The following LIMK2 variants were observed in gnomAD, a reference collection of about 807,000 sequenced individuals.
The protein encoded by LIMK2 is LIM domain kinase 2.
A neutral mutation model predicts 75.7 loss-of-function variants in LIMK2; 35 were observed. The ratio of observed to expected loss-of-function variants is 0.46; its 90% CI spans 0.35 to 0.61. The LOEUF (loss-of-function observed/expected upper bound fraction) is 0.61, where lower values mean the gene tolerates loss of function less well. Ranked by LOEUF, LIMK2 falls within the 20% of genes least tolerant of loss-of-function variation. The pLI, the probability that LIMK2 is intolerant of heterozygous loss-of-function variation, is 0.00. For missense variants in LIMK2, 623 were observed against 831.0 expected, an observed-to-expected ratio of 0.75 and a Z score of 3.08; for synonymous variants, 301 against 319.2, an observed-to-expected ratio of 0.94 and a Z score of 0.61.
intron 2 of LIMK2, among the ~76,000 whole-genome samples, chr22:31,247,235 C>T (rs2048679396): frequency 1.1e-5 from 1 of 91,108 alleles, no homozygotes; most frequent in South Asian, 2.8e-4. Flanking sequence ...TTTCCTCCAG[C>T]AGCCTTGCTT....
intron 2 of LIMK2, among the ~76,000 whole-genome samples, chr22:31,237,339 G>T (rs564097154): frequency 6.6e-6 from 1 of 151,438 alleles, no homozygotes; most frequent in Non-Finnish European, 1.5e-5. Flanking sequence ...CGAGGCGGGC[G>T]GATCACCTGA....
At chr22:31,223,652 G>A (rs1329547820) in intron 1 of LIMK2, among the ~76,000 whole-genome samples, 3 of 152,098 alleles carry the variant, frequency 2.0e-5, no homozygotes, top group African/African-American at 7.2e-5. Flanking sequence ...TCCACTGTCC[G>A]TAACCCAACC....
chr22:31,242,793 T>C (rs2048633763), intron 2 of LIMK2, among the ~76,000 whole-genome samples: 1 of 152,194 alleles, frequency 6.6e-6, no homozygotes, highest in African/African-American at 2.4e-5. Flanking sequence ...ATTACAGGAG[T>C]AGCAGATACT....
chr22:31,262,584 C>T lies in LIMK2; in HGVS notation c.658-11C>T, dbSNP rs1320051008. On this transcript the variant is annotated splice_polypyrimidine_tract_variant and intron_variant, in intron 6 of 15. Transcript: ENST00000331728. This position sits in a 1 kb window ranked among gnomAD's most constrained non-coding sequence, Gnocchi z 5.0. ...CAGCCTGTGGGAGCTTTATACTGCT[C>T]TTGGCCACAGGTGGAGGATGCAATT... 2 of 1,606,086 alleles carry T rather than the reference C, an allele frequency of 1.2e-6. No individual in the cohort carries two copies. The highest frequency in any genetic ancestry group is 2.7e-5 in the African/African-American group (2 of 74,840).
intron 2 of LIMK2, among the ~76,000 whole-genome samples, chr22:31,240,497 C>T (rs989016150): frequency 1.3e-5 from 2 of 150,794 alleles, no homozygotes; most frequent in African/African-American, 4.9e-5. Flanking sequence ...AATCTCAGCT[C>T]ACTGCAATCT....
chr22:31,265,816 G>C (rs543443124), intron 7 of LIMK2, 130 bp from the exon 8 acceptor site: 58 of 697,644 alleles, frequency 8.3e-5, no homozygotes, highest in Non-Finnish European at 1.3e-4. Context: ...AAGAGCCCCT[G>C]TTCCCCAATA....
At chr22:31,259,845 TG>T in intron 4 of LIMK2, 43 bp from the exon 5 acceptor site, 1 of 1,554,168 alleles carries the variant, frequency 6.4e-7, no homozygotes, top group Middle Eastern at 2.2e-4. Flanking sequence ...GGGGCTTCTG[TG>T]TGGGACTCTA....
At chr22:31,258,640 G>C in intron 3 of LIMK2, 3 of 533,078 alleles carry the variant, frequency 5.6e-6, no homozygotes, top group Non-Finnish European at 1.0e-5. Flanking sequence ...AACGTTGGGA[G>C]TGGGAGGAGA....
At chr22:31,259,070 T>A in intron 3 of LIMK2, 51 bp from the exon 4 acceptor site, 1 of 1,079,624 alleles carries the variant, frequency 9.3e-7, no homozygotes, top group Non-Finnish European at 1.4e-6. Flanking sequence ...GCAACAGTGA[T>A]AACTCACTTC....
In LIMK2 at chr22:31,248,419, G is replaced by T. The variant is rs1411757957; in HGVS notation, c.117-9872G>T. On this transcript the variant is annotated intron_variant, in intron 2 of 15. Transcript: ENST00000331728. ...GGCCCCTGCTCAAGAATGCCAGTGT[G>T]TGTGTAGCCTCCACAGAGAGGTCGT... is the stretch of plus-strand genomic sequence containing the variant. The T allele has an allele frequency of 9.1e-6, 13 of 1,421,362 alleles. 1 individual carries two copies. In the Admixed American group the frequency reaches 2.5e-4, roughly 28 times the overall value. 88.0% of individuals were successfully genotyped at this position (1,421,362 alleles called of 1,614,324 possible).
intron 2 of LIMK2, among the ~76,000 whole-genome samples, chr22:31,230,903 A>G (rs1305425236): frequency 6.6e-6 from 1 of 152,228 alleles, no homozygotes; most frequent in Non-Finnish European, 1.5e-5. Flanking sequence ...AGTAATAGGT[A>G]CCACTTATTG....
intron 2 of LIMK2, among the ~76,000 whole-genome samples, chr22:31,233,560 G>A (rs1188023565): frequency 1.3e-5 from 2 of 152,140 alleles, no homozygotes; most frequent in African/African-American, 4.8e-5. Context: ...ACACACTGAT[G>A]ACCCTAAAAT....
chr22:31,215,812 A>G (rs953510867), intron 1 of LIMK2, among the ~76,000 whole-genome samples: 1 of 152,244 alleles, frequency 6.6e-6, no homozygotes, highest in East Asian at 1.9e-4. Context: ...ATCTCTTAAA[A>G]AAAAGAAAAA....
chr22:31,274,248 A>C lies in LIMK2; in HGVS notation c.1614+741A>C, dbSNP rs529370495. On this transcript the variant is annotated intron_variant, in intron 14 of 15. Coordinates refer to ENST00000331728, the MANE Select transcript of LIMK2 (RefSeq NM_005569.4). ...ACGTGGACAGAGTGAGGAATCTTGG[A>C]AAGATTCCTACCTTTAGGAGTTTAG... Among the ~76,000 whole-genome samples, 24 of 152,172 alleles carry C rather than the reference A, an allele frequency of 1.6e-4. No individual in the cohort carries two copies. The South Asian group carries it at 4.8e-3, about 30-fold the overall frequency.
chr22:31,259,009 T>C (rs1187928102), intron 3 of LIMK2, 112 bp from the exon 4 acceptor site: 6 of 651,060 alleles, frequency 9.2e-6, no homozygotes, highest in Non-Finnish European at 1.4e-5. Flanking sequence ...AGAGTGGATT[T>C]TGACGGGGGC....
rs1196690903 is a variant in LIMK2, at chr22:31,221,529, A to G, written c.17-4191A>G. Among the ~76,000 whole-genome samples, 9 of 152,104 alleles carry G rather than the reference A, an allele frequency of 5.9e-5. No individual in the cohort carries two copies. The East Asian group carries it at 1.7e-3, about 29-fold the overall frequency. Reference sequence around the variant, plus strand: ...AGACAGAGTCTCGCTCTGTCGCCCAAGCTGGAATGCAGTGGAATGATCTTG... The same window carrying G: ...AGACAGAGTCTCGCTCTGTCGCCCAGGCTGGAATGCAGTGGAATGATCTTG... On this transcript the variant is annotated intron_variant, in intron 1 of 15. Transcript: ENST00000331728.
chr22:31,222,156 T>C (rs1482618233), intron 1 of LIMK2, among the ~76,000 whole-genome samples: 60 of 151,760 alleles, frequency 4.0e-4, no homozygotes, highest in African/African-American at 1.4e-3. Context: ...CTGCAACCTC[T>C]GCCTCCCGGG....
intron 2 of LIMK2, among the ~76,000 whole-genome samples, chr22:31,250,381 A>G (rs2048713265): frequency 6.6e-6 from 1 of 152,174 alleles, no homozygotes; most frequent in Admixed American, 6.5e-5. Context: ...TCTCAGGAAG[A>G]GGAGAAGCTA....
intron 5 of LIMK2, among the ~76,000 whole-genome samples, chr22:31,260,819 G>A (rs1467359644): frequency 6.6e-6 from 1 of 152,218 alleles, no homozygotes; most frequent in Non-Finnish European, 1.5e-5. Flanking sequence ...TCCAAAAGTA[G>A]GAGTCTTAAT....
Sources: gnomAD v4.1 joint callset for allele counts (sites outside exome capture counted in the v4.1 genomes callset) on GRCh38, gnomAD v4.1.1 for gene constraint, Gnocchi (gnomAD v3.1) non-coding constraint, MANE v1.5 for transcripts, NCBI Gene and HGNC (gene_info 2026-07-23, HGNC 2026-07-21) for gene names.